Variants in KCNQ5 observed in about 807,000 individuals in gnomAD.
KCNQ5 encodes the protein potassium voltage-gated channel subfamily Q member 5.
A neutral mutation model predicts 98.2 loss-of-function variants in KCNQ5; 30 were observed. The observed-to-expected ratio is 0.31, with a 90% CI of 0.23 to 0.41. The LOEUF is 0.41. Ranked by LOEUF, KCNQ5 falls within the 10% of genes least tolerant of loss-of-function variation. The pLI, the probability that KCNQ5 is intolerant of heterozygous loss-of-function variation, is 1.00. For synonymous variants in KCNQ5, 458 were observed against 449.4 expected (o/e 1.02, Z -0.24); for missense variants, 835 against 1,182.5 (o/e 0.71, Z 4.31).
intron 1 of KCNQ5, among the ~76,000 whole-genome samples, chr6:72,995,445 A>C (rs983161066): frequency 6.6e-6 from 1 of 152,118 alleles, no homozygotes; most frequent in African/African-American, 2.4e-5. Flanking sequence ...TAAAAAAATT[A>C]CATTAAATAA....
Position 73,169,822 on chromosome 6 carries a change from CCCA to C in KCNQ5, c.1550_1552del (p.Pro517del). On this transcript the variant is annotated inframe_deletion, in exon 11 of 14. Coordinates refer to ENST00000370398, the MANE Select transcript of KCNQ5 (RefSeq NM_019842.4). ...GTGATGTATCAGTGGAAGACCTCAC[CCCA>C]CCACTTAAAACTGTCATTCGAGCTA... 1 of 1,612,800 alleles carries C rather than the reference CCCA, an allele frequency of 6.2e-7. No individual in the cohort carries two copies. Among genetic ancestry groups the C allele is most frequent in the African/African-American group, 1.3e-5 (1 of 75,010 alleles).
chr6:72,844,412 T>C (rs989557411), intron 1 of KCNQ5, among the ~76,000 whole-genome samples: 1 of 152,222 alleles, frequency 6.6e-6, no homozygotes, highest in Non-Finnish European at 1.5e-5. Flanking sequence ...AAATGTGCAG[T>C]TCTCTTCAGG....
chr6:72,649,182 C>T (rs1482681155), intron 1 of KCNQ5, among the ~76,000 whole-genome samples: 1 of 152,120 alleles, frequency 6.6e-6, no homozygotes, highest in African/African-American at 2.4e-5. Flanking sequence ...GCAAATATGT[C>T]AGGAGTCCCT....
intron 1 of KCNQ5, among the ~76,000 whole-genome samples, chr6:72,715,284 C>T (rs944178799): frequency 1.3e-5 from 2 of 152,136 alleles, no homozygotes; most frequent in Non-Finnish European, 2.9e-5. Flanking sequence ...ACTCACTCAG[C>T]GTTTGTAGCA....
chr6:72,904,784 A>T (rs1779636762), intron 1 of KCNQ5, among the ~76,000 whole-genome samples: 1 of 152,158 alleles, frequency 6.6e-6, no homozygotes, highest in Non-Finnish European at 1.5e-5. Flanking sequence ...CTTTTGTCTC[A>T]CAGTTTTTAA....
At chr6:72,635,430 G>C (rs2098923468) in intron 1 of KCNQ5, among the ~76,000 whole-genome samples, 1 of 152,024 alleles carries the variant, frequency 6.6e-6, no homozygotes, top group Non-Finnish European at 1.5e-5. Context: ...TAGCATCATT[G>C]CTTTGTTTAA....
chr6:73,098,026 AAC>A (rs1026060721), intron 5 of KCNQ5, among the ~76,000 whole-genome samples: 12 of 152,290 alleles, frequency 7.9e-5, no homozygotes, highest in African/African-American at 1.4e-4. Flanking sequence ...CACTCAACAT[AAC>A]ACAGAGAATG....
chr6:73,089,243 T>C (rs1436865477), intron 5 of KCNQ5, among the ~76,000 whole-genome samples: 1 of 152,186 alleles, frequency 6.6e-6, no homozygotes, highest in Non-Finnish European at 1.5e-5. Flanking sequence ...ATTTAATCAA[T>C]ATACAATATC....
intron 1 of KCNQ5, among the ~76,000 whole-genome samples, chr6:72,735,797 C>A (rs1182702463): frequency 1.3e-5 from 2 of 151,712 alleles, no homozygotes; most frequent in East Asian, 3.9e-4. Flanking sequence ...AATGAAGAAG[C>A]TTTCATCTCT....
At chr6:73,082,737 C>G (rs1056543012) in intron 5 of KCNQ5, among the ~76,000 whole-genome samples, 1 of 152,170 alleles carries the variant, frequency 6.6e-6, no homozygotes, top group Non-Finnish European at 1.5e-5. Flanking sequence ...CTTATTTCCT[C>G]TTCACTGACT....
At chr6:72,935,512 T>G in intron 1 of KCNQ5, among the ~76,000 whole-genome samples, 1 of 152,196 alleles carries the variant, frequency 6.6e-6, no homozygotes. Context: ...CTGCCGGCAC[T>G]CAGAAGCAGC....
At chr6:73,145,726 T>C (rs1776894327) in intron 10 of KCNQ5, among the ~76,000 whole-genome samples, 1 of 152,118 alleles carries the variant, frequency 6.6e-6, no homozygotes, top group Non-Finnish European at 1.5e-5. Context: ...TGGGGAAAAA[T>C]TTACCAGATC....
chr6:73,083,169 C>T (rs995885459), intron 5 of KCNQ5, among the ~76,000 whole-genome samples: 11 of 152,180 alleles, frequency 7.2e-5, no homozygotes, highest in African/African-American at 2.7e-4. Context: ...GCTGGGATTA[C>T]AGGCGTGAGC....
At chr6:72,999,835 A>G (rs1039135300) in intron 1 of KCNQ5, among the ~76,000 whole-genome samples, 2 of 152,256 alleles carry the variant, frequency 1.3e-5, no homozygotes, top group Admixed American at 1.3e-4. Context: ...ATTCAAGATG[A>G]AACAATTATG....
At chr6:72,682,557 G>A (rs747043060) in intron 1 of KCNQ5, among the ~76,000 whole-genome samples, 3 of 151,814 alleles carry the variant, frequency 2.0e-5, no homozygotes, top group African/African-American at 7.3e-5. Context: ...ACTCTTAGCT[G>A]TCCAAGTTCT....
chr6:72,755,029 T>A (rs1582228368), intron 1 of KCNQ5, among the ~76,000 whole-genome samples: 2 of 152,174 alleles, frequency 1.3e-5, no homozygotes, highest in East Asian at 3.9e-4. Context: ...GTTCTGTTGT[T>A]AAATATATTC....
chr6:72,891,706 C>T (rs747048012), intron 1 of KCNQ5, among the ~76,000 whole-genome samples: 1 of 152,094 alleles, frequency 6.6e-6, no homozygotes, highest in Non-Finnish European at 1.5e-5. Context: ...CTTGTTTAAT[C>T]CTTCCTAAAA....
intron 7 of KCNQ5, among the ~76,000 whole-genome samples, chr6:73,113,930 T>TC (rs1290858739): frequency 6.6e-6 from 1 of 152,234 alleles, no homozygotes; most frequent in East Asian, 1.9e-4. Context: ...TACTTAAAAC[T>TC]CCAACTTAAA....
intron 2 of KCNQ5, among the ~76,000 whole-genome samples, chr6:73,038,620 A>T (rs1771549142): frequency 6.6e-6 from 1 of 151,222 alleles, no homozygotes; most frequent in Non-Finnish European, 1.5e-5. Flanking sequence ...TCATCAATTT[A>T]TATGATTTTT....
Sources: gnomAD v4.1 joint callset for allele counts (sites outside exome capture counted in the v4.1 genomes callset) on GRCh38, gnomAD v4.1.1 for gene constraint, MANE v1.5 for transcripts, NCBI Gene and HGNC (gene_info 2026-07-23, HGNC 2026-07-21) for gene names.